Variants in IGSF11 observed in about 807,000 individuals in gnomAD.
IGSF11 encodes CXADR like 1.
Under a neutral mutation model 41.0 loss-of-function variants are expected in IGSF11, and 22 were observed. The ratio of observed to expected loss-of-function variants is 0.54; its 90% CI spans 0.38 to 0.77. IGSF11 has a LOEUF of 0.77. Ranked by LOEUF, IGSF11 falls within the 30% of genes least tolerant of loss-of-function variation. The pLI is 0.00. For missense variants in IGSF11, 444 were observed against 530.8 expected, an observed-to-expected ratio of 0.84 and a Z score of 1.61; for synonymous variants, 219 against 201.3, an observed-to-expected ratio of 1.09 and a Z score of -0.74.
chr3:119,040,803 A>C (rs1941090933), intron 1 of IGSF11, among the ~76,000 whole-genome samples: 1 of 152,254 alleles, frequency 6.6e-6, no homozygotes, highest in Non-Finnish European at 1.5e-5. Context: ...GACAGGATTG[A>C]AATTATTTAC....
intron 1 of IGSF11, among the ~76,000 whole-genome samples, chr3:119,097,241 G>A (rs1285319682): frequency 1.3e-5 from 2 of 152,178 alleles, no homozygotes; most frequent in East Asian, 3.8e-4. Flanking sequence ...ATCACTGTCA[G>A]AAGTTAGGAA....
chr3:118,995,945 G>A (rs1452836535), intron 1 of IGSF11, among the ~76,000 whole-genome samples: 1 of 152,104 alleles, frequency 6.6e-6, no homozygotes, highest in Admixed American at 6.5e-5. Context: ...ACTGCACCTG[G>A]CTAATTTTTT....
intron 1 of IGSF11, among the ~76,000 whole-genome samples, chr3:119,113,328 A>G (rs1054106415): frequency 2.0e-5 from 3 of 152,216 alleles, no homozygotes; most frequent in Non-Finnish European, 4.4e-5. Context: ...GAGACAAGGC[A>G]AGTCCCTAAC....
chr3:119,034,923 C>G, upstream of IGSF11: 1 of 853,998 alleles, frequency 1.2e-6, no homozygotes, highest in Non-Finnish European at 1.5e-6. Context: ...CTCGGCTCCT[C>G]GCCGCGCCGC....
intron 1 of IGSF11, among the ~76,000 whole-genome samples, chr3:119,113,686 TG>T (rs1364458366): frequency 6.6e-6 from 1 of 152,190 alleles, no homozygotes; most frequent in Non-Finnish European, 1.5e-5. Context: ...TCTACCATTC[TG>T]GGGTGTGGAG....
chr3:118,930,226 C>T lies in IGSF11; in HGVS notation c.102G>A (p.Val34=). The change falls in exon 2 of 7, where the codon GTG becomes GTA. Residue 34 remains valine, a synonymous_variant. Coordinates refer to ENST00000393775, the MANE Select transcript of IGSF11 (RefSeq NM_001015887.3). The stretch of plus-strand genomic sequence containing the variant: ...GCAGGACTGCTGGCTGACCCCGGGC[C>T]ACCTGGATACTCCCAGGGCTCTCTG... ...EVSESPGSIQ[V]ARGQPAVLPC... is the part of the protein sequence containing the mutation. 1.9e-6 allele frequency: 3 copies of T among 1,613,948 alleles called. No individual in the cohort carries two copies. The highest frequency in any genetic ancestry group is 2.5e-6 in the Non-Finnish European group (3 of 1,179,906).
intron 1 of IGSF11, among the ~76,000 whole-genome samples, chr3:118,966,007 G>GA (rs1220032329): frequency 0.015 from 2,070 of 135,122 alleles, 40 homozygotes; most frequent in African/African-American, 0.045. Context: ...ACAGAAATGA[G>GA]AAAAAAAAAA....
At position 119,073,784 on chromosome 3, in the gene IGSF11, C is replaced by G. The variant is rs531752908; in HGVS notation, c.49+31360G>C. On this transcript the variant is annotated intron_variant, in intron 1 of 6. Transcript: ENST00000354673. ...CCCCGGTTTCCACCCACGCCTCTCC[C>G]TCCACACCTCCCACAAGCAGAGGGA... 2.0e-4 allele frequency among the ~76,000 whole-genome samples: 31 copies of G among 152,306 alleles called. No individual in the cohort carries two copies. In the South Asian group the frequency reaches 6.2e-3, roughly 31 times the overall value.
chr3:118,912,510 A>T (rs536879690), intron 4 of IGSF11, among the ~76,000 whole-genome samples: 1 of 152,242 alleles, frequency 6.6e-6, no homozygotes, highest in South Asian at 2.1e-4. Flanking sequence ...CCGCCCGACC[A>T]CACTCACTGT....
At chr3:119,036,242 A>G (rs1190931008), upstream of IGSF11, among the ~76,000 whole-genome samples, 1 of 152,244 alleles carries the variant, frequency 6.6e-6, no homozygotes, top group Non-Finnish European at 1.5e-5. Context: ...CTCTAATGGC[A>G]AGAAATAAAT....
intron 1 of IGSF11, among the ~76,000 whole-genome samples, chr3:119,051,228 T>G (rs1214560773): frequency 1.3e-5 from 2 of 151,820 alleles, no homozygotes; most frequent in South Asian, 2.1e-4. Context: ...TTCAAGAGAT[T>G]CAGCTCACAC....
At chr3:119,058,325 A>G (rs912165207) in intron 1 of IGSF11, among the ~76,000 whole-genome samples, 4 of 152,246 alleles carry the variant, frequency 2.6e-5, no homozygotes, top group Non-Finnish European at 4.4e-5. Context: ...ATATGAACAG[A>G]CACTTCCCAA....
chr3:119,007,452 C>T (rs1937579756), intron 1 of IGSF11, among the ~76,000 whole-genome samples: 1 of 151,982 alleles, frequency 6.6e-6, no homozygotes, highest in African/African-American at 2.4e-5. Context: ...GAGCTGTAGA[C>T]CGGAGCTGTT....
intron 1 of IGSF11, among the ~76,000 whole-genome samples, chr3:118,981,620 C>T (rs1004848441): frequency 6.6e-6 from 1 of 152,134 alleles, no homozygotes; most frequent in African/African-American, 2.4e-5. Flanking sequence ...TGACCACTTC[C>T]CTGTGGGACA....
At chr3:119,064,189 G>T (rs919370449) in intron 1 of IGSF11, among the ~76,000 whole-genome samples, 1 of 149,374 alleles carries the variant, frequency 6.7e-6, no homozygotes, top group Non-Finnish European at 1.5e-5. Flanking sequence ...AAGCTTTTTT[G>T]TTTTACTTTT....
At chr3:118,976,417 A>G (rs530622622) in intron 1 of IGSF11, among the ~76,000 whole-genome samples, 54 of 152,328 alleles carry the variant, frequency 3.5e-4, no homozygotes, top group African/African-American at 1.1e-3. Flanking sequence ...TGTACATAGG[A>G]AATCCCGAAG....
At chr3:118,923,524 A>G (rs779071194) in intron 4 of IGSF11, among the ~76,000 whole-genome samples, 5 of 152,172 alleles carry the variant, frequency 3.3e-5, no homozygotes, top group African/African-American at 4.8e-5. Context: ...TGTCCTTTAT[A>G]GCTATTTCTT....
At chr3:118,982,883 A>G (rs1458476590) in intron 1 of IGSF11, among the ~76,000 whole-genome samples, 1 of 152,212 alleles carries the variant, frequency 6.6e-6, no homozygotes, top group Non-Finnish European at 1.5e-5. Context: ...ACAATGTCCT[A>G]TATGCATTCA....
intron 1 of IGSF11, among the ~76,000 whole-genome samples, chr3:119,083,130 T>TC (rs1553727125): frequency 3.4e-5 from 3 of 87,888 alleles, no homozygotes; most frequent in African/African-American, 8.6e-5. Flanking sequence ...TTTTTTCTTT[T>TC]TTTTTTTTTT....
Sources: allele counts gnomAD v4.1 joint callset (sites outside exome capture counted in the v4.1 genomes callset), GRCh38; gene constraint gnomAD v4.1.1; transcripts MANE v1.5; gene names NCBI Gene and HGNC (gene_info 2026-07-23, HGNC 2026-07-21).